WNK1: variants seen among roughly 807,000 people sequenced by gnomAD.
WNK1 encodes serine/threonine-protein kinase WNK1.
WNK1 carries 38 observed loss-of-function variants against 222.8 expected under a neutral mutation model. The observed-to-expected ratio is 0.17, with a 90% confidence interval of 0.13 to 0.22. The LOEUF (loss-of-function observed/expected upper bound fraction) is 0.22, where lower values mean the gene tolerates loss of function less well. Among genes scored for constraint, WNK1 ranks in the 10% least tolerant of loss-of-function variants. The pLI, the probability that WNK1 is intolerant of heterozygous loss-of-function variation, is 1.00. For synonymous variants in WNK1, 1,090 were observed against 1,092.9 expected, an observed-to-expected ratio of 1.00 and a Z score of 0.05; for missense variants, 2,348 against 2,918.4, an observed-to-expected ratio of 0.80 and a Z score of 4.50.
chr12:754,715 G>C (rs749994306), intron 1 of WNK1, among the ~76,000 whole-genome samples: 5 of 152,168 alleles, frequency 3.3e-5, no homozygotes, highest in Non-Finnish European at 7.3e-5. Flanking sequence ...GTGTAGAAGC[G>C]TGTTTTCATT....
intron 14 of WNK1, among the ~76,000 whole-genome samples, 162 bp downstream of exon 14, chr12:882,235 C>T (rs374554195): frequency 2.0e-5 from 3 of 151,928 alleles, no homozygotes; most frequent in East Asian, 3.9e-4. Context: ...CTCGCTCTGT[C>T]GCCCAGGCTG....
chr12:863,470 A>T (rs773657782), intron 8 of WNK1, among the ~76,000 whole-genome samples: 67 of 152,312 alleles, frequency 4.4e-4, no homozygotes, highest in Non-Finnish European at 7.4e-4. Context: ...CTGTGTTCTG[A>T]CAAATATTAC....
intron 23 of WNK1, 71 bp downstream of exon 23, chr12:894,706 C>G: frequency 2.8e-6 from 4 of 1,415,570 alleles, no homozygotes; most frequent in East Asian, 2.3e-5. Context: ...AAATTACTGC[C>G]TACCTATTTG....
chr12:862,185 A>G lies in WNK1; in HGVS notation c.2054A>G (p.His685Arg), dbSNP rs1345771814. Residue 685 changes from histidine to arginine, a missense_variant, in exon 8 of 28, where the codon CAT becomes CGT. Physicochemically the swap from His to Arg is conservative, Grantham distance 29 (BLOSUM62 0). Transcript: ENST00000315939. Reference protein sequence around the residue: ...VSYGSQHEQAHSTGTVPGHIP... With the variant: ...VSYGSQHEQARSTGTVPGHIP... ...TATGGTTCCCAACATGAACAGGCACATTCTACAGGCACAGTCCCAGGGCAT... is the reference window on the plus strand; with the variant it reads ...TATGGTTCCCAACATGAACAGGCACGTTCTACAGGCACAGTCCCAGGGCAT... The G allele has an allele frequency of 6.2e-7, 1 of 1,614,180 alleles. No individual in the cohort carries two copies. The highest frequency in any genetic ancestry group is 8.5e-7 in the Non-Finnish European group (1 of 1,180,020).
intron 1 of WNK1, among the ~76,000 whole-genome samples, chr12:799,592 A>G (rs1945676977): frequency 6.6e-6 from 1 of 152,220 alleles, no homozygotes; most frequent in African/African-American, 2.4e-5. Flanking sequence ...TTGTAATCGC[A>G]GCATTTTAGG....
intron 3 of WNK1, 107 bp from the exon 4 acceptor site, chr12:829,891 TCCCCA>T: frequency 8.8e-7 from 1 of 1,132,808 alleles, no homozygotes; most frequent in South Asian, 1.3e-5. Context: ...TCCTTTTTTC[TCCCCA>T]TTCCAATTTC....
intron 1 of WNK1, among the ~76,000 whole-genome samples, chr12:806,595 T>C (rs929011468): frequency 8.5e-5 from 13 of 152,198 alleles, no homozygotes; most frequent in African/African-American, 2.2e-4. Context: ...AAGAGAGTCA[T>C]CAGGCAATGT....
At chr12:762,675 A>G (rs1181517993) in intron 1 of WNK1, among the ~76,000 whole-genome samples, 1 of 147,626 alleles carries the variant, frequency 6.8e-6, no homozygotes, top group East Asian at 2.0e-4. Context: ...TTAAAGGCAT[A>G]CAGGGGGAAG....
chr12:778,621 G>A (rs538136700), intron 1 of WNK1, among the ~76,000 whole-genome samples: 80 of 150,142 alleles, frequency 5.3e-4, no homozygotes, highest in East Asian at 5.8e-4. Context: ...GTGAGCCACC[G>A]TGCCCGGCCA....
At chr12:766,992 A>C (rs1383442269) in intron 1 of WNK1, among the ~76,000 whole-genome samples, 4 of 151,228 alleles carry the variant, frequency 2.6e-5, no homozygotes, top group Non-Finnish European at 5.9e-5. Context: ...GGCCAGGCTG[A>C]TCTTGAACTC....
intron 2 of WNK1, among the ~76,000 whole-genome samples, chr12:816,607 T>C (rs919973266): frequency 5.3e-5 from 8 of 152,106 alleles, no homozygotes; most frequent in African/African-American, 1.9e-4. Context: ...TTCTTCCATC[T>C]CATATGTAGA....
intron 1 of WNK1, among the ~76,000 whole-genome samples, chr12:793,690 A>G (rs558239515): frequency 6.6e-5 from 10 of 152,306 alleles, no homozygotes; most frequent in Admixed American, 1.3e-4. Context: ...TTGACTAAAT[A>G]TGGCAGTTCT....
chr12:791,561 TAA>T (rs11357307), intron 1 of WNK1, among the ~76,000 whole-genome samples: 22 of 148,546 alleles, frequency 1.5e-4, no homozygotes, highest in South Asian at 8.5e-4. Flanking sequence ...GCTTCTTTTT[TAA>T]AAAAAAAAAA....
intron 10 of WNK1, among the ~76,000 whole-genome samples, chr12:878,698 A>G (rs1250307968): frequency 6.6e-6 from 1 of 151,974 alleles, no homozygotes; most frequent in Admixed American, 6.6e-5. Flanking sequence ...GACATTCCCT[A>G]GAATTGTGTC....
intron 1 of WNK1, among the ~76,000 whole-genome samples, chr12:806,580 G>C (rs1946382380): frequency 6.6e-6 from 1 of 152,168 alleles, no homozygotes. Flanking sequence ...GTAGGTTGAA[G>C]GGTAAAGAGA....
At chr12:841,594 T>C (rs1286094563) in intron 4 of WNK1, among the ~76,000 whole-genome samples, 1 of 152,192 alleles carries the variant, frequency 6.6e-6, no homozygotes, top group Non-Finnish European at 1.5e-5. Flanking sequence ...TGGAGAGAGA[T>C]TGAGAACAAT....
chr12:779,903 A>T (rs768676782), intron 1 of WNK1, among the ~76,000 whole-genome samples: 1 of 151,970 alleles, frequency 6.6e-6, no homozygotes, highest in Non-Finnish European at 1.5e-5. Flanking sequence ...TGTTTACTTC[A>T]CTGGCTTGAT....
chr12:900,870 C>A, intron 26 of WNK1, 200 bp downstream of exon 26: 1 of 687,628 alleles, frequency 1.5e-6, no homozygotes, highest in Non-Finnish European at 2.6e-6. Context: ...GGTGAAATTA[C>A]TTTTTTTCAA....
At position 884,792 on chromosome 12, in the gene WNK1, G is replaced by A. The variant is rs1953505740; in HGVS notation, c.3988G>A (p.Gly1330Arg). Residue 1330 changes from glycine (G) to arginine (R), a missense_variant, in exon 19 of 28, where the codon GGA becomes AGA. By Grantham distance (125) the Gly-to-Arg change is moderately radical (BLOSUM62 -2). Around this residue, in one of 13 missense-constraint regions of WNK1, gnomAD observed 1,144 missense variants for 1,273.6 expected, o/e 0.90. Coordinates refer to ENST00000315939, the MANE Select transcript of WNK1 (RefSeq NM_018979.4). The surrounding 1 kb of genome is among the most constrained non-coding windows in gnomAD (Gnocchi z 5.6). ...AGCACCTCCAAACTTTAGTCATACAGGACCAACATTTCCAGTAGTACCTCC... is the reference window on the plus strand; with the variant it reads ...AGCACCTCCAAACTTTAGTCATACAAGACCAACATTTCCAGTAGTACCTCC... Reference protein sequence around the residue: ...NTAPPNFSHTGPTFPVVPPFL... With the variant: ...NTAPPNFSHTRPTFPVVPPFL... 6.2e-7 allele frequency: 1 copy of A among 1,614,122 alleles called. No homozygotes were observed. The highest frequency in any genetic ancestry group is 2.2e-5 in the East Asian group (1 of 44,890).
Sources: gnomAD v4.1 joint callset for allele counts (sites outside exome capture counted in the v4.1 genomes callset) on GRCh38, gnomAD v4.1.1 for gene constraint, gnomAD v4.1.1 regional missense constraint, Gnocchi (gnomAD v3.1) non-coding constraint, MANE v1.5 for transcripts, NCBI Gene and HGNC (gene_info 2026-07-23, HGNC 2026-07-21) for gene names.